ARNT: variants seen among roughly 807,000 people sequenced by gnomAD.
ARNT encodes class E basic helix-loop-helix protein 2.
In ARNT, 30 loss-of-function variants were observed where a neutral mutation model predicts 105.0. The ratio of observed to expected loss-of-function variants is 0.29; its 90% CI spans 0.21 to 0.39. The LOEUF is 0.39. Ranked by LOEUF, ARNT falls within the 10% of genes least tolerant of loss-of-function variation. ARNT has a pLI of 1.00. For missense variants in ARNT, 748 were observed against 978.7 expected (o/e 0.76, Z 3.15); for synonymous variants, 304 against 344.0 (o/e 0.88, Z 1.29).
At chr1:150,870,133 C>G (rs1224530784) in intron 1 of ARNT, among the ~76,000 whole-genome samples, 1 of 152,144 alleles carries the variant, frequency 6.6e-6, no homozygotes, top group East Asian at 1.9e-4. Flanking sequence ...CTTCTAGTAG[C>G]TATGTGACTT....
intron 4 of ARNT, 90 bp from the exon 5 acceptor site, chr1:150,842,558 A>C: frequency 9.6e-7 from 1 of 1,038,624 alleles, no homozygotes; most frequent in Non-Finnish European, 1.4e-6. Flanking sequence ...GGAAGGAGGG[A>C]GGGAGAGGAA....
At chr1:150,875,674 C>T (rs1400480964) in intron 1 of ARNT, among the ~76,000 whole-genome samples, 1 of 152,206 alleles carries the variant, frequency 6.6e-6, no homozygotes, top group Non-Finnish European at 1.5e-5. Flanking sequence ...AGGGCTGGGA[C>T]TAGTAATTTG....
At chr1:150,819,964 A>T (rs1337877380) in intron 14 of ARNT, among the ~76,000 whole-genome samples, 1 of 152,264 alleles carries the variant, frequency 6.6e-6, no homozygotes, top group African/African-American at 2.4e-5. Context: ...ACTGAGAAAG[A>T]AAACTCAAAT....
At position 150,829,962 on chromosome 1, in the gene ARNT, T is replaced by C. The variant is rs1285748144; in HGVS notation, c.974A>G (p.Asp325Gly). Residue 325 changes from aspartate (D) to glycine (G), a missense_variant, in exon 11 of 22, where the codon GAT (aspartate) becomes GGT (glycine). Coordinates refer to ENST00000358595, the MANE Select transcript of ARNT (RefSeq NM_001668.4). ...WPPAGVSLPDDDPEAGQGSKF... is the reference protein window; with the variant it reads ...WPPAGVSLPDGDPEAGQGSKF... The stretch of plus-strand genomic sequence containing the variant: ...GCTTCCCTGGCCAGCCTCTGGGTCA[T>C]CATCTGGGAGGGAAACACCTTCAGA... 3 of 1,614,086 alleles carry C rather than the reference T, an allele frequency of 1.9e-6. No individual in the cohort carries two copies. Among genetic ancestry groups the C allele is most frequent in the Admixed American group, 3.3e-5 (2 of 60,004 alleles).
chr1:150,841,316 CAA>C (rs796670197), intron 5 of ARNT, among the ~76,000 whole-genome samples: 1 of 143,752 alleles, frequency 7.0e-6, no homozygotes. Context: ...GTTCTTTGTC[CAA>C]AAAAAAAAGA....
intron 1 of ARNT, among the ~76,000 whole-genome samples, chr1:150,867,074 G>A (rs1337037419): frequency 6.6e-6 from 1 of 151,864 alleles, no homozygotes; most frequent in East Asian, 1.9e-4. Context: ...AGGCGTGGTG[G>A]CACACTGTAG....
At chr1:150,833,012 T>C (rs587626361) in intron 8 of ARNT, among the ~76,000 whole-genome samples, 1 of 152,348 alleles carries the variant, frequency 6.6e-6, no homozygotes, top group South Asian at 2.1e-4. Flanking sequence ...TAAATATCTT[T>C]ACATATATTA....
At position 150,872,731 on chromosome 1, in the gene ARNT, C is replaced by T. The variant is rs185433823; in HGVS notation, c.25+3812G>A. ...ATCCCAGCTCTTGGGGAGTGCCCAA[C>T]GCAGGAAGATCACTTGAGGCCAGGA... On this transcript the variant is annotated intron_variant, in intron 1 of 21. Transcript: ENST00000358595. 5.3e-4 allele frequency among the ~76,000 whole-genome samples: 80 copies of T among 152,188 alleles called. 1 individual carries two copies. In the South Asian group the frequency reaches 9.1e-3, roughly 17 times the overall value.
At chr1:150,873,870 T>A (rs184400111) in intron 1 of ARNT, among the ~76,000 whole-genome samples, 50 of 152,038 alleles carry the variant, frequency 3.3e-4, no homozygotes, top group African/African-American at 9.9e-4. Flanking sequence ...CAGTGAGCTG[T>A]GATTACACCA....
chr1:150,816,854 G>A lies in ARNT; in HGVS notation c.1736C>T (p.Ala579Val). Residue 579 changes from alanine to valine, a missense_variant, in exon 18 of 22, where the codon GCC becomes GTC. By Grantham distance (64) the Ala-to-Val change is moderately conservative. Coordinates refer to ENST00000358595, the MANE Select transcript of ARNT (RefSeq NM_001668.4). Reference sequence around the variant, plus strand: ...GCCCTGGGAGAATAGCTGTTGGGTGGCAGGGACAGTGCTGGAGGAGATGCC... The same window carrying A: ...GCCCTGGGAGAATAGCTGTTGGGTGACAGGGACAGTGCTGGAGGAGATGCC... ...SKGISSSTVP[A>V]TQQLFSQGNT... is the part of the protein sequence containing the mutation. The A allele has an allele frequency of 6.3e-7, 1 of 1,591,852 alleles. No homozygotes were observed. The highest frequency in any genetic ancestry group is 8.5e-7 in the Non-Finnish European group (1 of 1,174,722).
chr1:150,828,387 C>A (rs1347388657), intron 12 of ARNT, among the ~76,000 whole-genome samples: 1 of 125,844 alleles, frequency 7.9e-6, no homozygotes, highest in African/African-American at 3.1e-5. Flanking sequence ...TCCAATTGTT[C>A]CATTTGTTAG....
chr1:150,828,376 A>C (rs1334685322), intron 12 of ARNT, among the ~76,000 whole-genome samples: 2 of 139,814 alleles, frequency 1.4e-5, no homozygotes, highest in African/African-American at 2.7e-5. Context: ...GCATACAGAT[A>C]TCCAATTGTT....
In ARNT at chr1:150,810,959, A is replaced by C. The variant is rs973515571; in HGVS notation, c.*1062T>G. ...GGGCTTCGTATTTGGTTTACACTCC[A>C]ACAATGAGGATTTTCACTGGGACGG... On this transcript the variant is annotated 3_prime_UTR_variant, in exon 22 of 22. Coordinates refer to ENST00000358595, the MANE Select transcript of ARNT (RefSeq NM_001668.4). 4.4e-6 allele frequency: 1 copy of C among 229,296 alleles called. No homozygotes were observed. The highest frequency in any genetic ancestry group is 2.2e-5 in the African/African-American group (1 of 45,118). The allele number at this position is 229,296 out of a possible 1,614,324, so 14.2% of individuals were successfully genotyped here.
At chr1:150,860,818 C>T (rs1665503977) in intron 1 of ARNT, among the ~76,000 whole-genome samples, 1 of 151,868 alleles carries the variant, frequency 6.6e-6, no homozygotes. Flanking sequence ...GATCGCACCA[C>T]TGCACTCCAG....
intron 1 of ARNT, among the ~76,000 whole-genome samples, chr1:150,861,715 C>T (rs1002401518): frequency 2.0e-5 from 3 of 152,144 alleles, no homozygotes; most frequent in African/African-American, 4.8e-5. Flanking sequence ...CCACGCCCAG[C>T]CAGGGTTTCG....
intron 3 of ARNT, among the ~76,000 whole-genome samples, chr1:150,849,556 T>C (rs1185180350): frequency 1.3e-5 from 2 of 151,876 alleles, no homozygotes; most frequent in Non-Finnish European, 2.9e-5. Flanking sequence ...AAGGCCAAGG[T>C]GGGAGGATTG....
At position 150,816,851 on chromosome 1, in the gene ARNT, G is replaced by C. The variant is rs748056442; in HGVS notation, c.1739C>G (p.Thr580Ser). The C allele has an allele frequency of 6.3e-7, 1 of 1,591,070 alleles. No homozygotes were observed. Among genetic ancestry groups the C allele is most frequent in the East Asian group, 2.2e-5 (1 of 44,824 alleles). The stretch of plus-strand genomic sequence containing the variant: ...GTTGCCCTGGGAGAATAGCTGTTGG[G>C]TGGCAGGGACAGTGCTGGAGGAGAT... ...KGISSSTVPA[T>S]QQLFSQGNTF... The change falls in exon 18 of 22, where the codon ACC (threonine) becomes AGC (serine). Residue 580 changes from threonine (T) to serine (S), a missense_variant. By Grantham distance (58) the Thr-to-Ser change is moderately conservative. Transcript: ENST00000358595.
At chr1:150,825,764 G>A (rs980644697) in intron 13 of ARNT, among the ~76,000 whole-genome samples, 46 of 151,374 alleles carry the variant, frequency 3.0e-4, no homozygotes, top group Admixed American at 1.3e-3. Flanking sequence ...CAGGAGAATC[G>A]CTTGAACCTA....
intron 8 of ARNT, among the ~76,000 whole-genome samples, chr1:150,833,286 T>A (rs1312348801): frequency 6.6e-6 from 1 of 152,124 alleles, no homozygotes; most frequent in Non-Finnish European, 1.5e-5. Flanking sequence ...GGCGAATCAC[T>A]TGAGGTCAAG....
Sources: gnomAD v4.1 joint callset for allele counts (sites outside exome capture counted in the v4.1 genomes callset) on GRCh38, gnomAD v4.1.1 for gene constraint, MANE v1.5 for transcripts, NCBI Gene and HGNC (gene_info 2026-07-23, HGNC 2026-07-21) for gene names.